Variants in PLCB4 observed in about 807,000 individuals in gnomAD.
PLCB4 encodes the protein phospholipase C beta 4.
A neutral mutation model predicts 178.8 loss-of-function variants in PLCB4; 77 were observed. That is an observed-to-expected ratio of 0.43 (90% CI 0.36 to 0.52). PLCB4 has a LOEUF of 0.52. PLCB4 is among the 20% of genes least tolerant of loss of function. The pLI, the probability that PLCB4 is intolerant of heterozygous loss-of-function variation, is 0.00. For missense variants in PLCB4, 1,024 were observed against 1,453.4 expected (o/e 0.70, Z 4.80); for synonymous variants, 496 against 490.8 (o/e 1.01, Z -0.14).
At chr20:9,363,445 C>T (rs1023612123) in intron 8 of PLCB4, among the ~76,000 whole-genome samples, 3 of 152,096 alleles carry the variant, frequency 2.0e-5, no homozygotes, top group Non-Finnish European at 4.4e-5. Flanking sequence ...TTTAGCACAC[C>T]GTCAGGGATC....
chr20:9,413,267 T>A (rs994270854), intron 25 of PLCB4, among the ~76,000 whole-genome samples: 1 of 151,936 alleles, frequency 6.6e-6, no homozygotes, highest in Non-Finnish European at 1.5e-5. Context: ...TAACATGCCA[T>A]GAGGAATCCT....
At chr20:9,319,747 G>A (rs985791265) in intron 4 of PLCB4, among the ~76,000 whole-genome samples, 3 of 152,032 alleles carry the variant, frequency 2.0e-5, no homozygotes, top group African/African-American at 7.2e-5. Context: ...TCCTGTATTC[G>A]GCAGATCTTC....
At chr20:9,291,373 T>A (rs1410252676) in intron 3 of PLCB4, among the ~76,000 whole-genome samples, 1 of 152,138 alleles carries the variant, frequency 6.6e-6, no homozygotes, top group Non-Finnish European at 1.5e-5. Context: ...GCACAGTAAA[T>A]TTCCCATTAT....
chr20:9,197,266 C>A (rs1189881140), intron 2 of PLCB4, among the ~76,000 whole-genome samples: 1 of 152,158 alleles, frequency 6.6e-6, no homozygotes, highest in East Asian at 1.9e-4. Context: ...ACCCATTAAG[C>A]AATTCCACAG....
At chr20:9,213,380 G>T (rs867231662) in intron 2 of PLCB4, among the ~76,000 whole-genome samples, 17 of 151,976 alleles carry the variant, frequency 1.1e-4, no homozygotes, top group Admixed American at 2.6e-4. Flanking sequence ...CCTGACCTTA[G>T]GTGATCCACC....
chr20:9,451,263 A>T (rs1351418464), intron 32 of PLCB4, among the ~76,000 whole-genome samples: 1 of 152,156 alleles, frequency 6.6e-6, no homozygotes, highest in Non-Finnish European at 1.5e-5. Context: ...AATAAGGTTC[A>T]CCAAAATATT....
chr20:9,387,702 G>T (rs919278698), intron 15 of PLCB4, 146 bp downstream of exon 15: 3 of 503,756 alleles, frequency 6.0e-6, no homozygotes, highest in Non-Finnish European at 1.0e-5. Context: ...AAAAAGTCAA[G>T]ACAAAGATCT....
chr20:9,147,038 C>T (rs778832238), intron 2 of PLCB4, among the ~76,000 whole-genome samples: 1 of 152,120 alleles, frequency 6.6e-6, no homozygotes, highest in Non-Finnish European at 1.5e-5. Flanking sequence ...GAAGAGTCCA[C>T]TAATCATCTT....
At chr20:9,079,837 T>C (rs2090063142) in intron 1 of PLCB4, among the ~76,000 whole-genome samples, 1 of 152,178 alleles carries the variant, frequency 6.6e-6, no homozygotes, top group African/African-American at 2.4e-5. Context: ...AAAAATTTTT[T>C]TTTTAGTTCC....
intron 1 of PLCB4, among the ~76,000 whole-genome samples, chr20:9,079,071 A>G (rs1419284611): frequency 6.6e-6 from 1 of 152,170 alleles, no homozygotes; most frequent in Non-Finnish European, 1.5e-5. Context: ...TTTCCTTGGC[A>G]TTGAAACCTT....
chr20:9,385,542 G>A (rs554872952), intron 14 of PLCB4, among the ~76,000 whole-genome samples: 6 of 151,108 alleles, frequency 4.0e-5, no homozygotes, highest in East Asian at 2.0e-4. Context: ...CATCCCAGAC[G>A]GGGTGGCGGC....
intron 3 of PLCB4, among the ~76,000 whole-genome samples, chr20:9,276,243 C>T (rs1375682130): frequency 6.6e-6 from 1 of 152,044 alleles, no homozygotes; most frequent in Non-Finnish European, 1.5e-5. Context: ...ATTTTTAGCA[C>T]GTAGCTGCCA....
intron 25 of PLCB4, among the ~76,000 whole-genome samples, chr20:9,414,827 A>G (rs1370402868): frequency 6.6e-6 from 1 of 152,208 alleles, no homozygotes; most frequent in African/African-American, 2.4e-5. Context: ...AATACCTAAA[A>G]TCTTTTTAGA....
chr20:9,435,684 G>A, intron 29 of PLCB4, 36 bp downstream of exon 29: 2 of 1,191,684 alleles, frequency 1.7e-6, no homozygotes, highest in South Asian at 2.5e-5. Context: ...TGGCCAAGTT[G>A]TGGGAGTTTG....
At chr20:9,438,169 A>C (rs6077539) in intron 30 of PLCB4, among the ~76,000 whole-genome samples, 17,053 of 151,924 alleles carry the variant, frequency 0.11, 1,287 homozygotes, top group East Asian at 0.31. Context: ...GATCGAGACC[A>C]TCCTGGCTAA....
intron 36 of PLCB4, among the ~76,000 whole-genome samples, chr20:9,470,808 G>T (rs2044140716): frequency 6.6e-6 from 1 of 152,182 alleles, no homozygotes; most frequent in African/African-American, 2.4e-5. Flanking sequence ...CTATACATTT[G>T]TGGCTAAGTA....
intron 2 of PLCB4, among the ~76,000 whole-genome samples, chr20:9,154,028 A>T (rs1428865095): frequency 6.6e-6 from 1 of 152,200 alleles, no homozygotes; most frequent in Non-Finnish European, 1.5e-5. Context: ...ATGATATTCC[A>T]GTCAGATCAG....
rs1259460446 is a variant in PLCB4, at chr20:9,479,799, C to T, written c.*790C>T. 1.3e-5 allele frequency: 2 copies of T among 152,608 alleles called. No homozygotes were observed. The highest frequency in any genetic ancestry group is 4.8e-5 in the African/African-American group (2 of 41,438). 9.5% of individuals were successfully genotyped at this position (152,608 alleles called of 1,614,324 possible). On this transcript the variant is annotated 3_prime_UTR_variant, in exon 40 of 40. Transcript: ENST00000378473. ...TAAAGTATTTATACTCTTTAATTCA[C>T]ACTGTTAGAGAGCAAAATCATCTAA...
intron 29 of PLCB4, among the ~76,000 whole-genome samples, chr20:9,435,926 T>C (rs2148641821): frequency 6.6e-6 from 1 of 152,348 alleles, no homozygotes; most frequent in African/African-American, 2.4e-5. Context: ...TGTTATACTT[T>C]TGGGAAAGTT....
Sources: gnomAD v4.1 joint callset for allele counts (sites outside exome capture counted in the v4.1 genomes callset) on GRCh38, gnomAD v4.1.1 for gene constraint, MANE v1.5 for transcripts, NCBI Gene and HGNC (gene_info 2026-07-23, HGNC 2026-07-21) for gene names.